The following COX10 variants were observed in gnomAD, a reference collection of about 807,000 sequenced individuals.
COX10 encodes protoheme IX farnesyltransferase, mitochondrial.
A neutral mutation model predicts 37.3 loss-of-function variants in COX10; 27 were observed. The observed-to-expected ratio is 0.72, with a 90% CI of 0.53 to 1.00. COX10 has a LOEUF of 1.00. Among genes scored for constraint, COX10 ranks in the 50% least tolerant of loss-of-function variants. The probability of loss-of-function intolerance (pLI) is 0.00; values close to 1 mark genes in which losing one functional copy is unlikely to be tolerated. For missense variants in COX10, 475 were observed against 563.2 expected, an observed-to-expected ratio of 0.84 and a Z score of 1.59; for synonymous variants, 222 against 229.1, an observed-to-expected ratio of 0.97 and a Z score of 0.28.
rs575671948 is a variant in COX10 at position 14,102,635 on chromosome 17, CAG to C, written c.624+395_624+396del. Among the ~76,000 whole-genome samples, 170 of 152,178 alleles carry C rather than the reference CAG, an allele frequency of 1.1e-3. 1 individual carries two copies. Among genetic ancestry groups the C allele is most frequent in the African/African-American group, 3.8e-3 (159 of 41,526 alleles). ...CATTTTAAACCACTGCTATAAAGAA[CAG>C]AATATATTTTAACTATGCATATTCA... On this transcript the variant is annotated intron_variant, in intron 4 of 6. Transcript: ENST00000261643.
chr17:14,169,076 A>G (rs1905377594), intron 5 of COX10, among the ~76,000 whole-genome samples: 1 of 152,188 alleles, frequency 6.6e-6, no homozygotes, highest in Non-Finnish European at 1.5e-5. Context: ...TTGTGAATGC[A>G]TATGACGGTA....
At chr17:14,134,263 T>TATTATTAATATA (rs1269685864) in intron 4 of COX10, among the ~76,000 whole-genome samples, 2 of 151,832 alleles carry the variant, frequency 1.3e-5, no homozygotes, top group Non-Finnish European at 3.0e-5. Context: ...CCTTTAGGAA[T>TATTATTAATATA]ATTATTAATC....
chr17:14,207,255 G>A lies in COX10; in HGVS notation c.*42G>A. 2 of 1,518,138 alleles carry A rather than the reference G, an allele frequency of 1.3e-6. No individual in the cohort carries two copies. The highest frequency in any genetic ancestry group is 1.8e-6 in the Non-Finnish European group (2 of 1,136,682). The allele number at this position is 1,518,138 out of a possible 1,614,324, so 94.0% of individuals were successfully genotyped here. A position where few individuals can be genotyped will look rare whatever the true frequency, so the allele number is the denominator to read the frequency against. On this transcript the variant is annotated 3_prime_UTR_variant, in exon 7 of 7. Transcript: ENST00000261643. ...ACCGCCCCTTTCCCTCCGCTGCCAG[G>A]CGAGCATGTTGTGGTAATTCTGGAA...
At chr17:14,174,366 G>A (rs541449177) in intron 5 of COX10, among the ~76,000 whole-genome samples, 192 of 151,262 alleles carry the variant, frequency 1.3e-3, no homozygotes, top group Middle Eastern at 3.4e-3. Context: ...GGCTGAGGAG[G>A]GAGGATCACT....
chr17:14,089,821 A>G lies in COX10; in HGVS notation c.500-12297A>G, dbSNP rs140224592. On this transcript the variant is annotated intron_variant, in intron 3 of 6. Transcript: ENST00000261643. ...CTCTGGGTCTGGGGTAGGGTCTAGAATTGTGTATTTTAATGGTCCCCATAG... is the reference window on the plus strand; with the variant it reads ...CTCTGGGTCTGGGGTAGGGTCTAGAGTTGTGTATTTTAATGGTCCCCATAG... 2.2e-3 allele frequency among the ~76,000 whole-genome samples: 335 copies of G among 152,140 alleles called. 4 individuals carry two copies. The highest frequency in any genetic ancestry group is 7.2e-3 in the African/African-American group (300 of 41,510).
chr17:14,208,241 G>A lies in COX10; in HGVS notation c.*1028G>A, dbSNP rs1351219563. On this transcript the variant is annotated 3_prime_UTR_variant, in exon 7 of 7. Transcript: ENST00000261643. ...TTTAAGAGCCAGAAGCAGGGTTCTGGGAATTTTGCAAGTTATCCTGTGGCC... is the reference window on the plus strand; with the variant it reads ...TTTAAGAGCCAGAAGCAGGGTTCTGAGAATTTTGCAAGTTATCCTGTGGCC... 5 of 152,330 alleles carry A rather than the reference G, an allele frequency of 3.3e-5. No individual in the cohort carries two copies. Among genetic ancestry groups the A allele is most frequent in the East Asian group, 3.9e-4 (2 of 5,182 alleles). 9.4% of individuals were successfully genotyped at this position (152,330 alleles called of 1,614,324 possible).
intron 4 of COX10, among the ~76,000 whole-genome samples, chr17:14,123,959 T>A (rs1916280555): frequency 6.6e-6 from 1 of 152,190 alleles, no homozygotes; most frequent in African/African-American, 2.4e-5. Context: ...TGCTCCATAT[T>A]AGTAGTACCC....
At chr17:14,111,525 C>T (rs1250493720) in intron 4 of COX10, among the ~76,000 whole-genome samples, 1 of 152,088 alleles carries the variant, frequency 6.6e-6, no homozygotes, top group Non-Finnish European at 1.5e-5. Flanking sequence ...ACAGCTTTAG[C>T]TTTCATTCTG....
At chr17:14,119,218 T>G (rs576845853) in intron 4 of COX10, among the ~76,000 whole-genome samples, 4 of 152,336 alleles carry the variant, frequency 2.6e-5, no homozygotes, top group Admixed American at 2.6e-4. Flanking sequence ...GCTCTTGTGA[T>G]TGCCAATAAT....
intron 4 of COX10, among the ~76,000 whole-genome samples, chr17:14,118,200 G>A (rs1359187425): frequency 6.6e-6 from 1 of 152,064 alleles, no homozygotes; most frequent in African/African-American, 2.4e-5. Context: ...AACTTTTGGG[G>A]TGTGAAAACA....
intron 4 of COX10, among the ~76,000 whole-genome samples, chr17:14,114,868 C>G (rs1427901803): frequency 2.6e-5 from 4 of 152,016 alleles, no homozygotes; most frequent in Non-Finnish European, 5.9e-5. Flanking sequence ...CATAAACTTG[C>G]AAGTTAGATA....
chr17:14,075,880 T>C (rs1915134373), intron 2 of COX10, among the ~76,000 whole-genome samples: 1 of 150,236 alleles, frequency 6.7e-6, no homozygotes, highest in South Asian at 2.1e-4. Flanking sequence ...TAGTCCCAAC[T>C]ACTTGGGAGG....
intron 4 of COX10, among the ~76,000 whole-genome samples, chr17:14,144,160 G>A (rs11652402): frequency 0.11 from 17,111 of 152,064 alleles, 1,116 homozygotes; most frequent in South Asian, 0.17. Flanking sequence ...TTATAACTGT[G>A]TTTGGACCTC....
chr17:14,111,632 A>T (rs1235180312), intron 4 of COX10, among the ~76,000 whole-genome samples: 1 of 152,156 alleles, frequency 6.6e-6, no homozygotes, highest in Non-Finnish European at 1.5e-5. Flanking sequence ...TCAAGAAAGA[A>T]ATAAAAGTCT....
intron 4 of COX10, among the ~76,000 whole-genome samples, chr17:14,155,289 A>G (rs1000688137): frequency 2.0e-5 from 3 of 151,332 alleles, no homozygotes; most frequent in African/African-American, 4.9e-5. Context: ...GTTGAATTCA[A>G]TTTGAGACAC....
At chr17:14,158,563 A>G (rs1905102785) in intron 4 of COX10, among the ~76,000 whole-genome samples, 1 of 152,078 alleles carries the variant, frequency 6.6e-6, no homozygotes, top group Admixed American at 6.5e-5. Flanking sequence ...TGATTCATAC[A>G]GACATAAGTA....
At chr17:14,141,997 T>C (rs933872272) in intron 4 of COX10, among the ~76,000 whole-genome samples, 2 of 152,142 alleles carry the variant, frequency 1.3e-5, no homozygotes, top group African/African-American at 2.4e-5. Context: ...TGTCTTGAAG[T>C]GTTGTTCAAA....
intron 5 of COX10, among the ~76,000 whole-genome samples, chr17:14,189,231 A>G (rs930982269): frequency 3.3e-5 from 5 of 151,902 alleles, no homozygotes; most frequent in African/African-American, 7.3e-5. Flanking sequence ...TAATTTTTCA[A>G]TCAGAATTGT....
chr17:14,099,698 C>T (rs191832429), intron 3 of COX10, among the ~76,000 whole-genome samples: 9 of 152,246 alleles, frequency 5.9e-5, no homozygotes, highest in Non-Finnish European at 1.2e-4. Flanking sequence ...ATGCATGCTG[C>T]CCCTTGATCT....
Sources: allele counts gnomAD v4.1 joint callset (sites outside exome capture counted in the v4.1 genomes callset), GRCh38; gene constraint gnomAD v4.1.1; transcripts MANE v1.5; gene names NCBI Gene and HGNC (gene_info 2026-07-23, HGNC 2026-07-21).